The following SCUBE2 variants were observed in gnomAD, a reference collection of about 807,000 sequenced individuals.
The protein encoded by SCUBE2 is signal peptide, CUB and EGF-like domain-containing protein 2.
A neutral mutation model predicts 125.9 loss-of-function variants in SCUBE2; 114 were observed. That is an observed-to-expected ratio of 0.91 (90% confidence interval 0.78 to 1.06). The LOEUF (loss-of-function observed/expected upper bound fraction) is 1.06. Ranked by LOEUF, SCUBE2 falls within the 50% of genes least tolerant of loss-of-function variation. SCUBE2 has a pLI of 0.00. For synonymous variants in SCUBE2, 459 were observed against 492.9 expected, an observed-to-expected ratio of 0.93 and a Z score of 0.91; for missense variants, 1,255 against 1,301.8, an observed-to-expected ratio of 0.96 and a Z score of 0.55.
rs76565117 is a variant in SCUBE2, at chr11:9,079,648, G to A, written c.257-139C>T. 4.1e-3 allele frequency: 3,366 copies of A among 823,742 alleles called. 80 individuals carry two copies. In the African/African-American group the frequency reaches 0.051, roughly 12 times the overall value. 51.0% of individuals were successfully genotyped at this position (823,742 alleles called of 1,614,324 possible). A position where few individuals can be genotyped will look rare whatever the true frequency, so the allele number is the denominator to read the frequency against. On this transcript the variant is annotated intron_variant, in intron 2 of 22. Transcript: ENST00000649792. ...ACAATAGGAAAACAAATACGCACAAGGTTATTCACTGCAGTGTTGTTTCTA... is the reference window on the plus strand; with the variant it reads ...ACAATAGGAAAACAAATACGCACAAAGTTATTCACTGCAGTGTTGTTTCTA...
At chr11:9,042,384 G>A (rs1857333805) in intron 16 of SCUBE2, among the ~76,000 whole-genome samples, 1 of 151,500 alleles carries the variant, frequency 6.6e-6, no homozygotes, top group East Asian at 1.9e-4. Flanking sequence ...GATTCCCCTG[G>A]CTTTCTGTCC....
chr11:9,071,327 G>C (rs577552702), intron 4 of SCUBE2, among the ~76,000 whole-genome samples: 1 of 152,212 alleles, frequency 6.6e-6, no homozygotes, highest in South Asian at 2.1e-4. Context: ...GAAATATTTC[G>C]TAAGAATGCC....
At chr11:9,033,563 C>G (rs904353981) in intron 17 of SCUBE2, 63 bp downstream of exon 17, 5 of 1,554,890 alleles carry the variant, frequency 3.2e-6, no homozygotes, top group South Asian at 1.2e-5. Flanking sequence ...CCTTGAGATG[C>G]CTTCTGTCTA....
At chr11:9,048,663 T>C (rs972150689) in intron 14 of SCUBE2, among the ~76,000 whole-genome samples, 1 of 152,158 alleles carries the variant, frequency 6.6e-6, no homozygotes, top group African/African-American at 2.4e-5. Flanking sequence ...AACCTAACAA[T>C]ATCATGAAGG....
intron 8 of SCUBE2, 77 bp from the exon 9 acceptor site, chr11:9,059,502 G>A (rs1462855870): frequency 1.1e-5 from 17 of 1,521,532 alleles, no homozygotes; most frequent in Non-Finnish European, 1.5e-5. Flanking sequence ...GGGCCATTGT[G>A]TGTGTTCATT....
chr11:9,051,786 T>C (rs917053538), intron 13 of SCUBE2, among the ~76,000 whole-genome samples: 1 of 152,272 alleles, frequency 6.6e-6, no homozygotes, highest in Admixed American at 6.5e-5. Flanking sequence ...CCTTGCCTGG[T>C]ACGTAGTAAT....
rs546293978 is a variant in SCUBE2 at position 9,069,507 on chromosome 11, C to T, written c.518-12G>A. ...GCAGCTCAGGCCCTCTGAAAAACAG[C>T]AGTGTGCGACAGGTGACTAGGCTGT... On this transcript the variant is annotated splice_polypyrimidine_tract_variant and intron_variant, in intron 4 of 22. Transcript: ENST00000649792. The T allele has an allele frequency of 1.9e-6, 3 of 1,613,988 alleles. No individual in the cohort carries two copies. Among genetic ancestry groups the T allele is most frequent in the East Asian group, 2.2e-5 (1 of 44,884 alleles).
intron 5 of SCUBE2, among the ~76,000 whole-genome samples, chr11:9,067,093 A>G (rs1222163752): frequency 6.6e-6 from 1 of 152,216 alleles, no homozygotes; most frequent in African/African-American, 2.4e-5. Context: ...TTATTATATA[A>G]GGGAGATTAT....
At position 9,055,920 on chromosome 11, in the gene SCUBE2, C is replaced by A. The variant is rs192590145; in HGVS notation, c.1091-11G>T. On this transcript the variant is annotated splice_polypyrimidine_tract_variant and intron_variant, in intron 9 of 22. Transcript: ENST00000649792. The stretch of plus-strand genomic sequence containing the variant: ...AGCACTCATCCACATCTGTAATGGT[C>A]AAAGGGAGAGGGGAGCTGAAACCCA... 1 of 1,609,772 alleles carries A rather than the reference C, an allele frequency of 6.2e-7. No individual in the cohort carries two copies. Among genetic ancestry groups the A allele is most frequent in the East Asian group, 2.2e-5 (1 of 44,864 alleles).
chr11:9,066,382 G>A (rs564019577), intron 6 of SCUBE2, among the ~76,000 whole-genome samples: 58 of 152,278 alleles, frequency 3.8e-4, no homozygotes, highest in Non-Finnish European at 7.1e-4. Flanking sequence ...CAGAAGTGCC[G>A]CATCATTATA....
chr11:9,033,531 G>C, intron 17 of SCUBE2, 95 bp downstream of exon 17: 1 of 1,417,788 alleles, frequency 7.1e-7, no homozygotes, highest in Middle Eastern at 2.6e-4. Flanking sequence ...GAAGCCCCGG[G>C]TGAGTGTGCA....
At chr11:9,046,156 G>A (rs907975359) in intron 16 of SCUBE2, among the ~76,000 whole-genome samples, 69 of 151,932 alleles carry the variant, frequency 4.5e-4, no homozygotes, top group African/African-American at 1.6e-3. Flanking sequence ...ATAGGCACGC[G>A]CCACCACGCC....
intron 16 of SCUBE2, among the ~76,000 whole-genome samples, chr11:9,040,564 C>A (rs1354827086): frequency 1.0e-5 from 1 of 96,722 alleles, no homozygotes; most frequent in Non-Finnish European, 2.3e-5. Flanking sequence ...AGCATGGGTA[C>A]GTAGGAGAAA....
At chr11:9,065,270 G>T (rs1001710945) in intron 7 of SCUBE2, 3 of 152,242 alleles carry the variant, frequency 2.0e-5, no homozygotes, top group Non-Finnish European at 4.4e-5. Context: ...GGAGAGACCA[G>T]GTGGAGGTGA....
At chr11:9,023,879 C>T (rs1375752307) in intron 21 of SCUBE2, among the ~76,000 whole-genome samples, 1 of 152,226 alleles carries the variant, frequency 6.6e-6, no homozygotes, top group African/African-American at 2.4e-5. Context: ...GCCCCAGCTA[C>T]AGTTCTCACC....
At chr11:9,026,054 T>C (rs1285929627) in intron 20 of SCUBE2, 200 bp from the exon 21 acceptor site, 6 of 542,734 alleles carry the variant, frequency 1.1e-5, no homozygotes, top group Non-Finnish European at 1.9e-5. Flanking sequence ...CAGGGGAGGC[T>C]ACACCTGAAA....
Position 9,091,431 on chromosome 11 carries a change from G to T in SCUBE2, c.98C>A (p.Pro33Gln). ...PPLLLLAGAV[P>Q]PGRGRAAGPQ... ...CCCCGCGGCACGGCCCCGACCCGGC[G>T]GGACGGCCCCCGCCAGCAGCAGCAG... The change falls in exon 1 of 23, where the codon CCG becomes CAG. Residue 33 changes from proline (P) to glutamine (Q), a missense_variant. Around this residue, in one of 3 missense-constraint regions of SCUBE2, gnomAD observed 362 missense variants for 323.0 expected, o/e 1.12. Transcript: ENST00000649792. This position sits in a 1 kb window ranked among gnomAD's most constrained non-coding sequence, Gnocchi z 8.5. The T allele has an allele frequency of 7.5e-7, 1 of 1,333,612 alleles. No individual in the cohort carries two copies. Among genetic ancestry groups the T allele is most frequent in the Non-Finnish European group, 9.6e-7 (1 of 1,043,596 alleles). The allele number at this position is 1,333,612 out of a possible 1,614,324, so 82.6% of individuals were successfully genotyped here. A position where few individuals can be genotyped will look rare whatever the true frequency, so the allele number is the denominator to read the frequency against.
chr11:9,049,305 G>A (rs1012550615), intron 14 of SCUBE2, among the ~76,000 whole-genome samples: 13 of 152,122 alleles, frequency 8.5e-5, no homozygotes, highest in Admixed American at 6.5e-4. Context: ...GTGCAGTGGT[G>A]TCAACACAGC....
chr11:9,071,231 T>G (rs982409718), intron 4 of SCUBE2, among the ~76,000 whole-genome samples: 3 of 152,246 alleles, frequency 2.0e-5, no homozygotes, highest in Non-Finnish European at 4.4e-5. Flanking sequence ...ACAGGCCAGC[T>G]GCTGCTGCTT....
Sources: gnomAD v4.1 joint callset for allele counts (sites outside exome capture counted in the v4.1 genomes callset) on GRCh38, gnomAD v4.1.1 for gene constraint, gnomAD v4.1.1 regional missense constraint, Gnocchi (gnomAD v3.1) non-coding constraint, MANE v1.5 for transcripts, NCBI Gene and HGNC (gene_info 2026-07-23, HGNC 2026-07-21) for gene names.